The following LSAMP variants were observed in gnomAD, a reference collection of about 807,000 sequenced individuals.
LSAMP encodes limbic system-associated membrane protein.
LSAMP carries 7 observed loss-of-function variants against 38.6 expected under a neutral mutation model. The ratio of observed to expected loss-of-function variants is 0.18; its 90% CI spans 0.10 to 0.34. The LOEUF (loss-of-function observed/expected upper bound fraction) is 0.34. LSAMP is among the 10% of genes least tolerant of loss of function. The pLI is 1.00. For synonymous variants in LSAMP, 154 were observed against 166.8 expected (o/e 0.92, Z 0.59); for missense variants, 313 against 420.0 (o/e 0.75, Z 2.23).
At chr3:116,107,608 G>A (rs552343359) in intron 1 of LSAMP, among the ~76,000 whole-genome samples, 2 of 152,298 alleles carry the variant, frequency 1.3e-5, no homozygotes, top group African/African-American at 4.8e-5. Flanking sequence ...GTTTTTAAGA[G>A]AATTATGCCG....
intron 3 of LSAMP, among the ~76,000 whole-genome samples, chr3:115,974,191 A>G (rs1046345047): frequency 5.9e-5 from 9 of 151,914 alleles, no homozygotes; most frequent in Non-Finnish European, 1.5e-5. Flanking sequence ...TAAAAATACA[A>G]AAATTAGCCA....
At chr3:116,069,440 G>A (rs1707546753) in intron 2 of LSAMP, among the ~76,000 whole-genome samples, 1 of 152,148 alleles carries the variant, frequency 6.6e-6, no homozygotes, top group African/African-American at 2.4e-5. Context: ...GTTAGCAGCC[G>A]AAAGATTTTT....
At chr3:116,428,592 T>C (rs145186738) in intron 1 of LSAMP, among the ~76,000 whole-genome samples, 2 of 152,308 alleles carry the variant, frequency 1.3e-5, no homozygotes, top group East Asian at 3.9e-4. Flanking sequence ...GTTTGAGATA[T>C]GTAATGTCTA....
intron 1 of LSAMP, among the ~76,000 whole-genome samples, chr3:116,243,810 C>T (rs185488119): frequency 6.6e-6 from 1 of 152,184 alleles, no homozygotes; most frequent in East Asian, 1.9e-4. Flanking sequence ...ACATTTGTGA[C>T]ATTTTTCTTT....
At chr3:116,221,150 C>CAA (rs71141862) in intron 1 of LSAMP, among the ~76,000 whole-genome samples, 14 of 53,178 alleles carry the variant, frequency 2.6e-4, no homozygotes, top group African/African-American at 9.8e-4. Flanking sequence ...GACTCTGTCT[C>CAA]AAAAAAAAAA....
chr3:116,234,158 TCA>T (rs925849525), intron 1 of LSAMP, among the ~76,000 whole-genome samples: 3 of 152,214 alleles, frequency 2.0e-5, no homozygotes, highest in African/African-American at 7.2e-5. Context: ...CTGTGATAGT[TCA>T]GTCTTTTTCT....
intron 2 of LSAMP, among the ~76,000 whole-genome samples, chr3:116,044,927 T>C (rs1413430572): frequency 6.6e-6 from 1 of 152,110 alleles, no homozygotes; most frequent in Non-Finnish European, 1.5e-5. Flanking sequence ...CGTGATTACA[T>C]TTCCAGAATG....
intron 2 of LSAMP, among the ~76,000 whole-genome samples, chr3:116,040,730 T>A (rs1218105610): frequency 1.3e-5 from 2 of 152,152 alleles, no homozygotes; most frequent in African/African-American, 4.8e-5. Flanking sequence ...ATGAGGTCAC[T>A]TTTCTTTTCT....
intron 1 of LSAMP, among the ~76,000 whole-genome samples, chr3:116,129,617 C>T (rs1389307775): frequency 6.6e-6 from 1 of 152,194 alleles, no homozygotes; most frequent in African/African-American, 2.4e-5. Flanking sequence ...AAATGAACAC[C>T]TTTTCCCCTA....
chr3:115,834,473 T>G (rs1423837770), intron 6 of LSAMP: 1 of 986,976 alleles, frequency 1.0e-6, no homozygotes, highest in Non-Finnish European at 1.4e-6. Flanking sequence ...ATTTTTTGAA[T>G]GTGTTTTCCC....
chr3:115,810,237 C>G lies in LSAMP; in HGVS notation c.*80G>C, dbSNP rs545561296. 1.3e-4 allele frequency: 125 copies of G among 970,970 alleles called. No homozygotes were observed. Among genetic ancestry groups the G allele is most frequent in the African/African-American group, 9.9e-4 (57 of 57,714 alleles). 60.1% of individuals were successfully genotyped at this position (970,970 alleles called of 1,614,324 possible). The stretch of plus-strand genomic sequence containing the variant: ...GTCTCCCCCATCTCTCTCTCTCTCT[C>G]TCTCTCTGTCTCTCTCTCTCTGTAT... On this transcript the variant is annotated 3_prime_UTR_variant, in exon 7 of 7. Transcript: ENST00000490035.
intron 3 of LSAMP, among the ~76,000 whole-genome samples, chr3:115,970,454 G>A (rs1170044420): frequency 6.6e-6 from 1 of 152,106 alleles, no homozygotes. Flanking sequence ...GTACCAATCA[G>A]TTTGGCAGGA....
intron 1 of LSAMP, among the ~76,000 whole-genome samples, chr3:116,428,223 G>T: frequency 6.6e-6 from 1 of 152,038 alleles, no homozygotes; most frequent in South Asian, 2.1e-4. Flanking sequence ...TTTTTGAGAG[G>T]CCGAGGCAGG....
chr3:116,213,562 A>G (rs2107609036), intron 1 of LSAMP, among the ~76,000 whole-genome samples: 1 of 152,318 alleles, frequency 6.6e-6, no homozygotes, highest in East Asian at 1.9e-4. Context: ...TGAAATCAGG[A>G]TCTTCAGGTG....
At chr3:116,178,491 G>C (rs1710406661) in intron 1 of LSAMP, among the ~76,000 whole-genome samples, 1 of 152,146 alleles carries the variant, frequency 6.6e-6, no homozygotes, top group African/African-American at 2.4e-5. Context: ...TTTAAAGCAA[G>C]TACATCAGTT....
intron 1 of LSAMP, among the ~76,000 whole-genome samples, chr3:116,099,870 G>A (rs1387028400): frequency 6.6e-6 from 1 of 151,940 alleles, no homozygotes; most frequent in South Asian, 2.1e-4. Context: ...TACAGTGTTG[G>A]TTTTATTTAC....
chr3:116,224,772 G>T (rs2046324659), intron 1 of LSAMP, among the ~76,000 whole-genome samples: 1 of 152,154 alleles, frequency 6.6e-6, no homozygotes, highest in African/African-American at 2.4e-5. Context: ...AGCTTATTCA[G>T]CTTGAAGCAA....
intron 1 of LSAMP, among the ~76,000 whole-genome samples, chr3:116,189,145 G>A (rs947048808): frequency 1.3e-5 from 2 of 152,124 alleles, no homozygotes; most frequent in Non-Finnish European, 2.9e-5. Flanking sequence ...AACAAAAAGT[G>A]GATAAAGATT....
intron 2 of LSAMP, among the ~76,000 whole-genome samples, chr3:116,082,149 C>T (rs1707885401): frequency 6.6e-6 from 1 of 151,904 alleles, no homozygotes; most frequent in Non-Finnish European, 1.5e-5. Flanking sequence ...AAACAAATAC[C>T]CTAGTTTTTG....
Sources: gnomAD v4.1 joint callset for allele counts (sites outside exome capture counted in the v4.1 genomes callset) on GRCh38, gnomAD v4.1.1 for gene constraint, MANE v1.5 for transcripts, NCBI Gene and HGNC (gene_info 2026-07-23, HGNC 2026-07-21) for gene names.